Variants in KCNIP4 observed in about 807,000 individuals in gnomAD.
KCNIP4 encodes potassium voltage-gated channel interacting protein 4, also known as Kv channel-interacting protein 4.
A neutral mutation model predicts 34.0 loss-of-function variants in KCNIP4; 12 were observed. That is an observed-to-expected ratio of 0.35 (90% confidence interval 0.23 to 0.57). The LOEUF (loss-of-function observed/expected upper bound fraction) is 0.57, where lower values mean the gene tolerates loss of function less well. Among genes scored for constraint, KCNIP4 ranks in the 20% least tolerant of loss-of-function variants. KCNIP4 has a pLI of 0.83. For synonymous variants in KCNIP4, 124 were observed against 102.2 expected (o/e 1.21, Z -1.29); for missense variants, 238 against 311.7 (o/e 0.76, Z 1.78).
At chr4:21,594,980 A>G (rs1742521669) in intron 1 of KCNIP4, among the ~76,000 whole-genome samples, 1 of 152,090 alleles carries the variant, frequency 6.6e-6, no homozygotes, top group Admixed American at 6.6e-5. Context: ...AAAATTTATT[A>G]TACTTTTTAT....
chr4:21,461,620 C>T (rs1377599922), intron 1 of KCNIP4, among the ~76,000 whole-genome samples: 1 of 152,016 alleles, frequency 6.6e-6, no homozygotes, highest in Non-Finnish European at 1.5e-5. Flanking sequence ...TCTTGTAAGT[C>T]CAGTCTCTAG....
At chr4:21,922,514 A>T (rs926671938) in intron 1 of KCNIP4, among the ~76,000 whole-genome samples, 8 of 152,188 alleles carry the variant, frequency 5.3e-5, no homozygotes, top group African/African-American at 1.9e-4. Flanking sequence ...TGGTTTTAAG[A>T]TTAATCAGAA....
At chr4:21,157,674 G>A (rs1487207645) in intron 1 of KCNIP4, among the ~76,000 whole-genome samples, 1 of 152,022 alleles carries the variant, frequency 6.6e-6, no homozygotes, top group Non-Finnish European at 1.5e-5. Context: ...TTCTACTAAT[G>A]CAATATGTAC....
intron 1 of KCNIP4, among the ~76,000 whole-genome samples, chr4:21,917,633 G>A (rs920102932): frequency 7.2e-6 from 1 of 139,658 alleles, no homozygotes; most frequent in East Asian, 3.1e-4. Flanking sequence ...ATGTGACCTT[G>A]TTGTGTCATT....
intron 1 of KCNIP4, among the ~76,000 whole-genome samples, chr4:21,595,460 A>C (rs979526671): frequency 1.3e-5 from 2 of 152,086 alleles, no homozygotes; most frequent in Non-Finnish European, 2.9e-5. Context: ...ATGAGTATGC[A>C]TGTGTCTTTA....
chr4:20,926,402 T>C (rs748228010), intron 1 of KCNIP4, among the ~76,000 whole-genome samples: 4 of 152,222 alleles, frequency 2.6e-5, no homozygotes, highest in Non-Finnish European at 5.9e-5. Context: ...AGATTAACTA[T>C]GTCATCTGCT....
chr4:21,257,428 G>T (rs1255234752), intron 1 of KCNIP4, among the ~76,000 whole-genome samples: 1 of 151,900 alleles, frequency 6.6e-6, no homozygotes, highest in African/African-American at 2.4e-5. Context: ...CAATGTTTTG[G>T]GCTCCACCTC....
intron 1 of KCNIP4, among the ~76,000 whole-genome samples, chr4:21,103,940 T>C (rs1404560308): frequency 1.3e-5 from 2 of 152,042 alleles, no homozygotes; most frequent in Non-Finnish European, 2.9e-5. Context: ...CTGCATAGTA[T>C]TCCATGGTGT....
chr4:21,790,575 A>G (rs1448384628), intron 1 of KCNIP4, among the ~76,000 whole-genome samples: 2 of 151,394 alleles, frequency 1.3e-5, no homozygotes, highest in African/African-American at 4.9e-5. Context: ...TTATATTTCT[A>G]TTTGAATATG....
At chr4:20,864,551 A>T (rs1294995724) in intron 2 of KCNIP4, among the ~76,000 whole-genome samples, 4 of 152,068 alleles carry the variant, frequency 2.6e-5, no homozygotes, top group African/African-American at 7.2e-5. Flanking sequence ...GAGTCTGGGA[A>T]GTCTGGTTCC....
chr4:21,461,313 C>G (rs1729445077), intron 1 of KCNIP4, among the ~76,000 whole-genome samples: 1 of 152,006 alleles, frequency 6.6e-6, no homozygotes, highest in African/African-American at 2.4e-5. Context: ...CCCAGCCATG[C>G]AAACTGTGAG....
At chr4:21,445,817 A>G (rs1195047377) in intron 1 of KCNIP4, among the ~76,000 whole-genome samples, 3 of 152,154 alleles carry the variant, frequency 2.0e-5, no homozygotes, top group East Asian at 3.8e-4. Flanking sequence ...AAAAGAAACT[A>G]CCATCAGAGT....
At chr4:20,826,191 G>A (rs1159164600) in intron 3 of KCNIP4, among the ~76,000 whole-genome samples, 1 of 152,092 alleles carries the variant, frequency 6.6e-6, no homozygotes. Flanking sequence ...GAAACTCTGG[G>A]ACCACCTGGG....
intron 1 of KCNIP4, among the ~76,000 whole-genome samples, chr4:21,520,018 G>A (rs1735390767): frequency 6.6e-6 from 1 of 151,884 alleles, no homozygotes; most frequent in South Asian, 2.1e-4. Context: ...GGAGTGCGAT[G>A]TTTGAGGGAA....
At chr4:21,252,124 G>GTTTTT (rs200110404) in intron 1 of KCNIP4, among the ~76,000 whole-genome samples, 3 of 115,952 alleles carry the variant, frequency 2.6e-5, no homozygotes, top group Non-Finnish European at 3.5e-5. Context: ...CATGAATGAG[G>GTTTTT]TTTTGTTTTT....
intron 1 of KCNIP4, among the ~76,000 whole-genome samples, chr4:20,929,626 T>TC (rs1158525790): frequency 1.1e-4 from 16 of 151,796 alleles, no homozygotes; most frequent in Admixed American, 1.1e-3. Context: ...TATAATCCCT[T>TC]ATGTAGAAAA....
chr4:21,172,088 C>T (rs1432494583), intron 1 of KCNIP4, among the ~76,000 whole-genome samples: 10 of 152,090 alleles, frequency 6.6e-5, no homozygotes, highest in Non-Finnish European at 1.5e-4. Context: ...AGTGCAGTGG[C>T]GTGATCTTGG....
chr4:21,623,075 T>TGAAAA (rs1351767560), intron 1 of KCNIP4, among the ~76,000 whole-genome samples: 1 of 152,242 alleles, frequency 6.6e-6, no homozygotes, highest in Non-Finnish European at 1.5e-5. Flanking sequence ...AATGTCCTTG[T>TGAAAA]GTTCAGTGCA....
Position 21,446,763 on chromosome 4 carries a change from T to TA in KCNIP4, c.61+501807dup, listed in dbSNP as rs769773988. On this transcript the variant is annotated intron_variant, in intron 1 of 8. Coordinates refer to ENST00000382152, the MANE Select transcript of KCNIP4 (RefSeq NM_025221.6). Reference sequence around the variant, plus strand: ...ATGTACCTTAAAACTTAAAGTATAATAAAAAAAAATTATTCCCAAACATAA... The same window carrying TA: ...ATGTACCTTAAAACTTAAAGTATAATAAAAAAAAAATTATTCCCAAACATAA... Among the ~76,000 whole-genome samples the TA allele has an allele frequency of 1.5e-3, 227 of 151,512 alleles. 2 individuals carry two copies. The highest frequency in any genetic ancestry group is 2.1e-3 in the Non-Finnish European group (142 of 67,846).
Sources: allele counts gnomAD v4.1 joint callset (sites outside exome capture counted in the v4.1 genomes callset), GRCh38; gene constraint gnomAD v4.1.1; transcripts MANE v1.5; gene names NCBI Gene and HGNC (gene_info 2026-07-23, HGNC 2026-07-21).